DCLK2: variants seen among roughly 807,000 people sequenced by gnomAD.
The protein encoded by DCLK2 is serine/threonine-protein kinase DCLK2.
In DCLK2, 31 loss-of-function variants were observed where a neutral mutation model predicts 78.4. The observed-to-expected ratio is 0.40, with a 90% confidence interval of 0.30 to 0.53. DCLK2 has a LOEUF of 0.53. DCLK2 is among the 20% of genes least tolerant of loss of function. The pLI is 0.61. For synonymous variants in DCLK2, 407 were observed against 374.9 expected, an observed-to-expected ratio of 1.09 and a Z score of -0.99; for missense variants, 872 against 973.7, an observed-to-expected ratio of 0.90 and a Z score of 1.39.
chr4:150,176,006 A>G (rs541084723), intron 2 of DCLK2, among the ~76,000 whole-genome samples: 95 of 152,258 alleles, frequency 6.2e-4, no homozygotes, highest in African/African-American at 2.1e-3. Context: ...GCCCGAGGCA[A>G]CCAGCTATGG....
At chr4:150,092,429 T>A (rs1162989347) in intron 1 of DCLK2, among the ~76,000 whole-genome samples, 1 of 152,192 alleles carries the variant, frequency 6.6e-6, no homozygotes, top group Non-Finnish European at 1.5e-5. Context: ...CCACCAACAG[T>A]GTACTAGAGT....
chr4:150,126,229 A>C (rs1386946499), intron 2 of DCLK2, among the ~76,000 whole-genome samples: 2 of 152,218 alleles, frequency 1.3e-5, no homozygotes, highest in Non-Finnish European at 2.9e-5. Context: ...ATGAATAATT[A>C]ATTCATTCAG....
rs540293871 is a variant in DCLK2 at position 150,203,955 on chromosome 4, T to G, written c.1056+66T>G. 6.2e-4 allele frequency: 910 copies of G among 1,471,660 alleles called. No homozygotes were observed. Among genetic ancestry groups the G allele is most frequent in the Admixed American group, 1.7e-3 (101 of 58,086 alleles). 91.2% of individuals were successfully genotyped at this position (1,471,660 alleles called of 1,614,324 possible). A position where few individuals can be genotyped will look rare whatever the true frequency, so the allele number is the denominator to read the frequency against. ...ATTTAGAGTTTCATAGTTTAGCAGT[T>G]TAATTTGTTTGGGGGCTTGAGTACA... is the stretch of plus-strand genomic sequence containing the variant. On this transcript the variant is annotated intron_variant, in intron 5 of 15. Transcript: ENST00000296550.
chr4:150,183,737 CTTT>C (rs376479148), intron 2 of DCLK2, among the ~76,000 whole-genome samples: 1 of 143,078 alleles, frequency 7.0e-6, no homozygotes. Flanking sequence ...TTTTCTTTTT[CTTT>C]TTTTTTTTTT....
chr4:150,149,977 G>A (rs1407198348), intron 2 of DCLK2, among the ~76,000 whole-genome samples: 2 of 151,800 alleles, frequency 1.3e-5, no homozygotes, highest in African/African-American at 4.8e-5. Flanking sequence ...TTGCTTTTTT[G>A]TTCAAAGAGC....
chr4:150,129,289 A>G (rs1450860600), intron 2 of DCLK2, among the ~76,000 whole-genome samples: 2 of 152,192 alleles, frequency 1.3e-5, no homozygotes, highest in African/African-American at 2.4e-5. Flanking sequence ...ATGGTCCAGT[A>G]TTCATAAGAC....
chr4:150,085,000 T>C (rs1035775665), intron 1 of DCLK2, among the ~76,000 whole-genome samples: 6 of 152,216 alleles, frequency 3.9e-5, no homozygotes, highest in African/African-American at 1.4e-4. Context: ...TGAGGTACTT[T>C]ACATATTTCA....
At position 150,195,290 on chromosome 4, in the gene DCLK2, ATTATATATTATATAT is replaced by A; in HGVS notation, c.859+2052_859+2066del. ...TATTATATATTATATTATATATTAT[ATTATATATTATATAT>A]TATATTATATATTATATTATATATT... On this transcript the variant is annotated intron_variant, in intron 3 of 15. Coordinates refer to ENST00000296550, the MANE Select transcript of DCLK2 (RefSeq NM_001040260.4). 3.5e-4 allele frequency among the ~76,000 whole-genome samples: 2 copies of A among 5,774 alleles called. 1 individual carries two copies. Among genetic ancestry groups the A allele is most frequent in the Non-Finnish European group, 1.0e-3 (2 of 1,950 alleles). The allele number at this position is 5,774 out of a possible 152,430, so 3.8% of individuals were successfully genotyped here.
intron 1 of DCLK2, among the ~76,000 whole-genome samples, chr4:150,099,708 C>T (rs1730756155): frequency 6.6e-6 from 1 of 152,130 alleles, no homozygotes; most frequent in African/African-American, 2.4e-5. Context: ...ATAGTAGGCA[C>T]TCAGTGTACA....
chr4:150,087,723 A>G (rs181329577), intron 1 of DCLK2, among the ~76,000 whole-genome samples: 30 of 152,326 alleles, frequency 2.0e-4, no homozygotes, highest in South Asian at 1.5e-3. Flanking sequence ...TCTGTGAGCA[A>G]CATTCCTTTC....
intron 2 of DCLK2, among the ~76,000 whole-genome samples, chr4:150,164,588 C>T (rs1735933953): frequency 6.6e-6 from 1 of 152,158 alleles, no homozygotes; most frequent in African/African-American, 2.4e-5. Context: ...CACCTGAGGT[C>T]AAGAGTTCGA....
chr4:150,163,719 C>A (rs909061604), intron 2 of DCLK2, among the ~76,000 whole-genome samples: 2 of 152,180 alleles, frequency 1.3e-5, no homozygotes, highest in African/African-American at 4.8e-5. Context: ...ATTGTGCAGG[C>A]ATGCTCAAGA....
intron 2 of DCLK2, among the ~76,000 whole-genome samples, chr4:150,114,158 C>T (rs1367904716): frequency 1.3e-5 from 2 of 151,620 alleles, no homozygotes. Flanking sequence ...TGTTTGGTGG[C>T]CTATCATATG....
intron 2 of DCLK2, among the ~76,000 whole-genome samples, chr4:150,115,022 A>G (rs552173869): frequency 3.9e-5 from 6 of 152,298 alleles, no homozygotes; most frequent in South Asian, 2.1e-4. Context: ...TGGTATACCA[A>G]TGGTTCTTAA....
chr4:150,104,134 C>T (rs1024745205), intron 2 of DCLK2, among the ~76,000 whole-genome samples: 4 of 151,822 alleles, frequency 2.6e-5, no homozygotes, highest in Non-Finnish European at 5.9e-5. Context: ...GGGAAAAAGG[C>T]ATATAAACAG....
intron 1 of DCLK2, among the ~76,000 whole-genome samples, chr4:150,080,572 A>G (rs1729187061): frequency 6.6e-6 from 1 of 152,202 alleles, no homozygotes; most frequent in Admixed American, 6.5e-5. Flanking sequence ...CTTGGCAGGG[A>G]GAGGAAGCTG....
At chr4:150,228,556 A>T (rs1366759086) in intron 8 of DCLK2, among the ~76,000 whole-genome samples, 1 of 152,194 alleles carries the variant, frequency 6.6e-6, no homozygotes, top group Non-Finnish European at 1.5e-5. Context: ...CAGCACACAA[A>T]CAGTTGAAAG....
At chr4:150,193,273 A>T (rs746785456) in intron 3 of DCLK2, 33 bp downstream of exon 3, 49 of 1,423,774 alleles carry the variant, frequency 3.4e-5, no homozygotes, top group Admixed American at 1.0e-4. Flanking sequence ...TCATTTTTCC[A>T]TCTTTGTAAC....
intron 2 of DCLK2, among the ~76,000 whole-genome samples, chr4:150,133,151 G>A (rs1441203320): frequency 2.0e-5 from 3 of 152,048 alleles, no homozygotes; most frequent in African/African-American, 4.8e-5. Context: ...CATTATGCCC[G>A]GGGACCATTT....
Sources: gnomAD v4.1 joint callset for allele counts (sites outside exome capture counted in the v4.1 genomes callset) on GRCh38, gnomAD v4.1.1 for gene constraint, MANE v1.5 for transcripts, NCBI Gene and HGNC (gene_info 2026-07-23, HGNC 2026-07-21) for gene names.